The following ERN1 variants were observed in gnomAD, a reference collection of about 807,000 sequenced individuals.
ERN1 encodes the protein endoplasmic reticulum to nucleus signaling 1, also known as serine/threonine-protein kinase/endoribonuclease IRE1.
ERN1 carries 39 observed loss-of-function variants against 113.1 expected under a neutral mutation model. The ratio of observed to expected loss-of-function variants is 0.34; its 90% CI spans 0.27 to 0.45. The LOEUF (loss-of-function observed/expected upper bound fraction) is 0.45. ERN1 is among the 20% of genes least tolerant of loss of function. ERN1 has a pLI of 1.00. For synonymous variants in ERN1, 507 were observed against 515.9 expected, an observed-to-expected ratio of 0.98 and a Z score of 0.23; for missense variants, 976 against 1,274.8, an observed-to-expected ratio of 0.77 and a Z score of 3.57.
intron 1 of ERN1, among the ~76,000 whole-genome samples, chr17:64,110,934 C>T (rs898864012): frequency 9.2e-5 from 14 of 152,134 alleles, no homozygotes; most frequent in South Asian, 2.1e-4. Context: ...CATGAGGAAC[C>T]GGCCAAGAGC....
At chr17:64,065,138 AG>A (rs1913178832) in intron 9 of ERN1, 70 bp downstream of exon 9, 7 of 1,105,296 alleles carry the variant, frequency 6.3e-6, no homozygotes, top group Non-Finnish European at 9.2e-6. Context: ...GCTCATGCAT[AG>A]CAAAGTCATT....
chr17:64,073,514 C>T (rs1355705668), intron 5 of ERN1, among the ~76,000 whole-genome samples: 11 of 134,826 alleles, frequency 8.2e-5, no homozygotes, highest in Middle Eastern at 6.2e-3. Flanking sequence ...TTTTTTGAGA[C>T]GGAGTCTCGC....
rs202169981 is a variant in ERN1, at chr17:64,045,811, A to G, written c.2530-329T>C. ...CGCAAGTGCAATCTATATCCAATGAACCAAAACCAAAAAGAAAAGGAAAGC... is the reference window on the plus strand; with the variant it reads ...CGCAAGTGCAATCTATATCCAATGAGCCAAAACCAAAAAGAAAAGGAAAGC... On this transcript the variant is annotated intron_variant, in intron 19 of 21. Transcript: ENST00000433197. Among the ~76,000 whole-genome samples the G allele has an allele frequency of 6.6e-5, 10 of 152,290 alleles. No individual in the cohort carries two copies. In the East Asian group the frequency reaches 1.9e-3, roughly 29 times the overall value.
intron 1 of ERN1, chr17:64,129,736 T>C (rs1915183779): frequency 2.6e-6 from 1 of 389,648 alleles, no homozygotes; most frequent in South Asian, 1.3e-4. Context: ...CCGCGCTGGC[T>C]TGGGAGGCTC....
chr17:64,116,282 A>G (rs977920604), intron 1 of ERN1, among the ~76,000 whole-genome samples: 1 of 152,136 alleles, frequency 6.6e-6, no homozygotes, highest in African/African-American at 2.4e-5. Flanking sequence ...CAGGCACCGA[A>G]AGCCCCAGAG....
chr17:64,110,577 C>A (rs1490634021), intron 1 of ERN1, among the ~76,000 whole-genome samples: 1 of 152,194 alleles, frequency 6.6e-6, no homozygotes, highest in Non-Finnish European at 1.5e-5. Flanking sequence ...CATTACTGAT[C>A]AGCACAGGAC....
At chr17:64,128,453 C>T (rs1393676585) in intron 1 of ERN1, among the ~76,000 whole-genome samples, 1 of 152,168 alleles carries the variant, frequency 6.6e-6, no homozygotes, top group African/African-American at 2.4e-5. Context: ...GTTCCAACTA[C>T]AGCTAAATCG....
intron 11 of ERN1, among the ~76,000 whole-genome samples, chr17:64,058,633 C>CT (rs1463001388): frequency 6.6e-6 from 1 of 151,974 alleles, no homozygotes; most frequent in Non-Finnish European, 1.5e-5. Flanking sequence ...CTCAGAATCT[C>CT]TAAGACTTCA....
intron 19 of ERN1, among the ~76,000 whole-genome samples, chr17:64,047,411 T>C (rs906321268): frequency 8.5e-5 from 13 of 152,284 alleles, no homozygotes; most frequent in African/African-American, 2.9e-4. Context: ...AATGAAATTA[T>C]ATGATGCCTG....
chr17:64,072,630 C>T (rs1446004917), intron 5 of ERN1, among the ~76,000 whole-genome samples: 2 of 152,232 alleles, frequency 1.3e-5, no homozygotes, highest in Non-Finnish European at 2.9e-5. Context: ...CAACCTGATG[C>T]TAAGGATGTC....
At chr17:64,106,596 G>A (rs981328522) in intron 1 of ERN1, among the ~76,000 whole-genome samples, 1 of 152,158 alleles carries the variant, frequency 6.6e-6, no homozygotes, top group Non-Finnish European at 1.5e-5. Flanking sequence ...CAAATAGACT[G>A]GATTATTCTG....
rs767993268 is a variant in ERN1 at position 64,066,894 on chromosome 17, C to T, written c.619G>A (p.Val207Met). 1.2e-6 allele frequency: 2 copies of T among 1,613,814 alleles called. No homozygotes were observed. Among genetic ancestry groups the T allele is most frequent in the African/African-American group, 2.7e-5 (2 of 74,934 alleles). Residue 207 changes from valine (V) to methionine (M), a missense_variant, in exon 8 of 22, where the codon GTG becomes ATG. Val to Met is a conservative substitution (Grantham distance 21). This residue lies in a region of ERN1 where 459 missense variants were observed against 581.2 expected (regional missense o/e 0.79). Coordinates refer to ENST00000433197, the MANE Select transcript of ERN1 (RefSeq NM_001433.5). ...TCCCCAGATTCACTGTCCACAGTCA[C>T]CACCAGCCCATCACCATTGGACACA... ...HFVSNGDGLV[V>M]TVDSESGDVL...
At position 64,057,961 on chromosome 17, in the gene ERN1, G is replaced by A. The variant is rs1216982331; in HGVS notation, c.1239C>T (p.Asn413=). ...VINLVDQTSE[N]APTTVSRDVE... ...CATCCCGAGACACGGTGGTAGGTGC[G>A]TTTTCTGAAGTCTGGTCAACCAGGT... The change falls in exon 12 of 22, where the codon AAC becomes AAT. Residue 413 remains asparagine (N), a synonymous_variant. Coordinates refer to ENST00000433197, the MANE Select transcript of ERN1 (RefSeq NM_001433.5). 6.3e-6 allele frequency: 10 copies of A among 1,591,144 alleles called. No individual in the cohort carries two copies. Among genetic ancestry groups the A allele is most frequent in the Admixed American group, 1.8e-5 (1 of 55,762 alleles).
In ERN1 at chr17:64,115,491, G is replaced by A. The variant is rs79065593; in HGVS notation, c.54+14485C>T. On this transcript the variant is annotated intron_variant, in intron 1 of 21. Transcript: ENST00000433197. ...AAAAAAGACGGCAAGTTCCATGGCC[G>A]AACTTCCCGAAAGCTGACTTGGCAG... Among the ~76,000 whole-genome samples the A allele has an allele frequency of 3.7e-3, 570 of 152,224 alleles. 6 individuals are homozygous for A. The highest frequency in any genetic ancestry group is 0.013 in the African/African-American group (542 of 41,532).
At chr17:64,064,489 A>G (rs774006882) in intron 9 of ERN1, among the ~76,000 whole-genome samples, 2 of 152,210 alleles carry the variant, frequency 1.3e-5, no homozygotes, top group Non-Finnish European at 2.9e-5. Flanking sequence ...TACGCAACCA[A>G]TGGGGCGGAA....
chr17:64,105,670 A>C (rs1013530632), intron 1 of ERN1, among the ~76,000 whole-genome samples: 4 of 152,114 alleles, frequency 2.6e-5, no homozygotes, highest in Non-Finnish European at 4.4e-5. Flanking sequence ...TTATTTATTT[A>C]AGGTTAAGAA....
At position 64,044,033 on chromosome 17, in the gene ERN1, G is replaced by A. The variant is rs200667393; in HGVS notation, c.2889C>T (p.His963=). The change falls in exon 22 of 22, where the codon CAC becomes CAT. Residue 963 remains histidine (H), a synonymous_variant. Coordinates refer to ENST00000433197, the MANE Select transcript of ERN1 (RefSeq NM_001433.5). The surrounding 1 kb of genome is among the most constrained non-coding windows in gnomAD (Gnocchi z 4.1). ...HERLFQPYYF[H]EPPEPQPPVT... is the part of the protein sequence containing the mutation. ...CTGGGGGCTGGGGCTCTGGGGGCTCGTGGAAGTAGTAGGGCTGGAAGAGTC... is the reference window on the plus strand; with the variant it reads ...CTGGGGGCTGGGGCTCTGGGGGCTCATGGAAGTAGTAGGGCTGGAAGAGTC... The A allele has an allele frequency of 1.2e-4, 190 of 1,613,426 alleles. No individual in the cohort carries two copies. Among genetic ancestry groups the A allele is most frequent in the Admixed American group, 1.3e-4 (8 of 59,982 alleles).
intron 1 of ERN1, among the ~76,000 whole-genome samples, chr17:64,104,376 C>T (rs1450741037): frequency 6.6e-6 from 1 of 152,198 alleles, no homozygotes; most frequent in Non-Finnish European, 1.5e-5. Context: ...AGGGAAGACC[C>T]TGCAAGCTCC....
intron 1 of ERN1, among the ~76,000 whole-genome samples, chr17:64,125,613 C>G (rs1915060962): frequency 6.6e-6 from 1 of 152,196 alleles, no homozygotes; most frequent in African/African-American, 2.4e-5. Flanking sequence ...CTCGGCCTCC[C>G]GAGTAGCTGG....
Sources: gnomAD v4.1 joint callset for allele counts (sites outside exome capture counted in the v4.1 genomes callset) on GRCh38, gnomAD v4.1.1 for gene constraint, gnomAD v4.1.1 regional missense constraint, Gnocchi (gnomAD v3.1) non-coding constraint, MANE v1.5 for transcripts, NCBI Gene and HGNC (gene_info 2026-07-23, HGNC 2026-07-21) for gene names.